Variants in LVRN observed in about 807,000 individuals in gnomAD.
The protein encoded by LVRN is laeverin, also known as aminopeptidase Q.
In LVRN, 99 loss-of-function variants were observed where a neutral mutation model predicts 111.4. That is an observed-to-expected ratio of 0.89 (90% CI 0.76 to 1.05). The LOEUF (loss-of-function observed/expected upper bound fraction) is 1.05, where lower values mean the gene tolerates loss of function less well. LVRN is among the 50% of genes least tolerant of loss of function. The pLI, the probability that LVRN is intolerant of heterozygous loss-of-function variation, is 0.00. For synonymous variants in LVRN, 488 were observed against 449.5 expected (o/e 1.09, Z -1.08); for missense variants, 1,414 against 1,206.8 (o/e 1.17, Z -2.54).
intron 18 of LVRN, among the ~76,000 whole-genome samples, chr5:116,020,447 C>G (rs1748703038): frequency 6.6e-6 from 1 of 152,178 alleles, no homozygotes. Flanking sequence ...ATATAGAATA[C>G]AGAGCATGAT....
chr5:115,965,542 T>C (rs1350575670), intron 1 of LVRN, among the ~76,000 whole-genome samples: 2 of 152,226 alleles, frequency 1.3e-5, no homozygotes, highest in Non-Finnish European at 2.9e-5. Flanking sequence ...TTGACGATTG[T>C]CTCAGATAAT....
intron 15 of LVRN, among the ~76,000 whole-genome samples, chr5:116,013,135 C>G (rs115123579): frequency 1.1e-4 from 16 of 152,168 alleles, no homozygotes; most frequent in Admixed American, 9.2e-4. Flanking sequence ...GGGATTATAC[C>G]TACAACTTCT....
chr5:115,986,635 ACACT>A (rs1413113368), intron 3 of LVRN, among the ~76,000 whole-genome samples: 2 of 152,246 alleles, frequency 1.3e-5, no homozygotes, highest in African/African-American at 4.8e-5. Flanking sequence ...ACAAAAATGT[ACACT>A]TGGAATAGAG....
At chr5:115,969,353 C>T (rs765003851) in intron 1 of LVRN, among the ~76,000 whole-genome samples, 1 of 152,136 alleles carries the variant, frequency 6.6e-6, no homozygotes, top group Non-Finnish European at 1.5e-5. Context: ...CAGGCAGGTC[C>T]TGAGGTTCTT....
In LVRN at chr5:116,007,330, C is replaced by T. The variant is rs566942573; in HGVS notation, c.2093+1363C>T. On this transcript the variant is annotated intron_variant, in intron 13 of 19. Transcript: ENST00000357872. ...CCAACTTACCTATTAGGCCCCATTT[C>T]TCACTATACAAAAAGGAAATCCCCT... 2.0e-5 allele frequency among the ~76,000 whole-genome samples: 3 copies of T among 152,280 alleles called. No homozygotes were observed. The East Asian group carries it at 5.8e-4, about 29-fold the overall frequency.
At chr5:115,964,897 G>A (rs1235700274) in intron 1 of LVRN, among the ~76,000 whole-genome samples, 2 of 152,292 alleles carry the variant, frequency 1.3e-5, no homozygotes, top group Non-Finnish European at 2.9e-5. Flanking sequence ...CTCTGCTTCT[G>A]AAACCACAAG....
chr5:115,991,753 A>G (rs183044364), intron 4 of LVRN, among the ~76,000 whole-genome samples: 27 of 152,282 alleles, frequency 1.8e-4, no homozygotes, highest in African/African-American at 6.3e-4. Flanking sequence ...TTCTCTAATG[A>G]CAATTGATGT....
intron 3 of LVRN, among the ~76,000 whole-genome samples, chr5:115,984,911 C>T (rs9326981): frequency 0.15 from 22,583 of 152,134 alleles, 2,779 homozygotes; most frequent in African/African-American, 0.33. Context: ...TAGGTTTTCA[C>T]GGAAAGAGTC....
chr5:115,973,142 C>T (rs558486127), intron 1 of LVRN, among the ~76,000 whole-genome samples: 2 of 152,274 alleles, frequency 1.3e-5, no homozygotes, highest in East Asian at 3.9e-4. Flanking sequence ...GTTGCCCAGG[C>T]TGGTCTCAAA....
At position 116,026,329 on chromosome 5, in the gene LVRN, G is replaced by T; in HGVS notation, c.*211G>T. On this transcript the variant is annotated 3_prime_UTR_variant, in exon 20 of 20. Transcript: ENST00000357872. Reference sequence around the variant, plus strand: ...ATTTTGCCAATGCTGCTGTATTTCTGGGAAAGATGTCACTTCATGTTGGGT... The same window carrying T: ...ATTTTGCCAATGCTGCTGTATTTCTTGGAAAGATGTCACTTCATGTTGGGT... 1.7e-6 allele frequency: 1 copy of T among 599,566 alleles called. No individual in the cohort carries two copies. The highest frequency in any genetic ancestry group is 3.2e-5 in the Admixed American group (1 of 31,402). 37.1% of individuals were successfully genotyped at this position (599,566 alleles called of 1,614,324 possible).
chr5:115,997,795 A>G (rs1020513998), intron 6 of LVRN, among the ~76,000 whole-genome samples: 1 of 152,192 alleles, frequency 6.6e-6, no homozygotes, highest in Non-Finnish European at 1.5e-5. Flanking sequence ...TTTAAAGCTG[A>G]CATCATGTTT....
Position 116,026,183 on chromosome 5 carries a change from C to T in LVRN, c.*65C>T. ...TGTAGTTTGTTCACAGTTTTGTCTTCCAATACTTTGTGAGTCTGGAAAACC... is the reference window on the plus strand; with the variant it reads ...TGTAGTTTGTTCACAGTTTTGTCTTTCAATACTTTGTGAGTCTGGAAAACC... On this transcript the variant is annotated 3_prime_UTR_variant, in exon 20 of 20. Coordinates refer to ENST00000357872, the MANE Select transcript of LVRN (RefSeq NM_173800.5). 6.3e-7 allele frequency: 1 copy of T among 1,596,588 alleles called. No homozygotes were observed. The highest frequency in any genetic ancestry group is 8.5e-7 in the Non-Finnish European group (1 of 1,170,048).
Position 115,963,190 on chromosome 5 carries a change from G to A in LVRN, c.573G>A (p.Glu191=). The A allele has an allele frequency of 6.2e-7, 1 of 1,612,812 alleles. No homozygotes were observed. Among genetic ancestry groups the A allele is most frequent in the Non-Finnish European group, 8.5e-7 (1 of 1,179,758 alleles). ...FALDTEYMVL[E]LSEPLKPGSS... ...TGGACACGGAATACATGGTGCTGGAGCTCAGTGAGCCCCTGAAACCTGGTA... is the reference window on the plus strand; with the variant it reads ...TGGACACGGAATACATGGTGCTGGAACTCAGTGAGCCCCTGAAACCTGGTA... The change falls in exon 1 of 20, where the codon GAG becomes GAA. Residue 191 remains glutamate (E), a synonymous_variant. Transcript: ENST00000357872.
chr5:116,020,222 T>A (rs1353312730), intron 18 of LVRN: 1 of 152,238 alleles, frequency 6.6e-6, no homozygotes, highest in Non-Finnish European at 1.5e-5. Context: ...CTCATTCCAA[T>A]GAGAAAGACT....
chr5:116,015,449 TC>T (rs1320597263), intron 17 of LVRN, 30 bp downstream of exon 17: 4 of 1,518,992 alleles, frequency 2.6e-6, no homozygotes. Context: ...CTTGAAAGTT[TC>T]TGTTATAGGA....
chr5:115,971,896 A>G (rs1194765289), intron 1 of LVRN, among the ~76,000 whole-genome samples: 1 of 152,130 alleles, frequency 6.6e-6, no homozygotes, highest in Admixed American at 6.5e-5. Context: ...TGTTGACTCT[A>G]TAGAAAAATT....
At position 116,026,106 on chromosome 5, in the gene LVRN, G is replaced by A; in HGVS notation, c.2961G>A (p.Arg987=). ...KLSARIAAWL[R]RNT ...GTGCCAGGATAGCTGCGTGGCTAAG[G>A]AGAAACACATAGCTTGTGGCTATCT... The change falls in exon 20 of 20, where the codon AGG becomes AGA. Residue 987 remains arginine (R), a synonymous_variant. Transcript: ENST00000357872. 6.2e-7 allele frequency: 1 copy of A among 1,613,748 alleles called. No homozygotes were observed. The highest frequency in any genetic ancestry group is 8.5e-7 in the Non-Finnish European group (1 of 1,179,778).
At chr5:116,004,849 C>G (rs531089009) in intron 12 of LVRN, among the ~76,000 whole-genome samples, 4 of 152,156 alleles carry the variant, frequency 2.6e-5, no homozygotes, top group Middle Eastern at 3.2e-3. Context: ...AGGCCTGACA[C>G]AATTCAGGGA....
At chr5:116,001,784 T>C (rs560347282) in intron 10 of LVRN, among the ~76,000 whole-genome samples, 1 of 152,304 alleles carries the variant, frequency 6.6e-6, no homozygotes, top group East Asian at 1.9e-4. Context: ...GTTCAAATAT[T>C]GACTTCTCAA....
Sources: allele counts gnomAD v4.1 joint callset (sites outside exome capture counted in the v4.1 genomes callset), GRCh38; gene constraint gnomAD v4.1.1; transcripts MANE v1.5; gene names NCBI Gene and HGNC (gene_info 2026-07-23, HGNC 2026-07-21).